The following SLC36A1 variants were observed in gnomAD, a reference collection of about 807,000 sequenced individuals.
SLC36A1 encodes the protein proton-coupled amino acid transporter 1.
A neutral mutation model predicts 47.5 loss-of-function variants in SLC36A1; 30 were observed. That is an observed-to-expected ratio of 0.63 (90% CI 0.47 to 0.86). SLC36A1 has a LOEUF of 0.86. Ranked by LOEUF, SLC36A1 falls within the 40% of genes least tolerant of loss-of-function variation. The probability of loss-of-function intolerance (pLI) is 0.00; values close to 1 mark genes in which losing one functional copy is unlikely to be tolerated. For missense variants in SLC36A1, 517 were observed against 606.0 expected, an observed-to-expected ratio of 0.85 and a Z score of 1.54; for synonymous variants, 255 against 249.7, an observed-to-expected ratio of 1.02 and a Z score of -0.20.
the SLC36A1 span, among the ~76,000 whole-genome samples, chr5:151,533,492 C>T: frequency 2.0e-5 from 3 of 151,700 alleles, no homozygotes; most frequent in African/African-American, 4.8e-5. Flanking sequence ...CTCCCTAGAA[C>T]CCCTACATCC....
chr5:151,495,910 C>T (rs1259971291), downstream of SLC36A1, among the ~76,000 whole-genome samples: 1 of 152,106 alleles, frequency 6.6e-6, no homozygotes, highest in Non-Finnish European at 1.5e-5. Context: ...TTTAACCCTT[C>T]AGTCACTGAA....
chr5:151,478,714 A>G (rs1369279290), intron 9 of SLC36A1, among the ~76,000 whole-genome samples: 2 of 152,050 alleles, frequency 1.3e-5, no homozygotes, highest in Non-Finnish European at 1.5e-5. Flanking sequence ...CAATTTTACA[A>G]TTTCCCATTT....
intron 5 of SLC36A1, 88 bp from the exon 6 acceptor site, chr5:151,467,111 A>C: frequency 1.9e-6 from 2 of 1,057,692 alleles, no homozygotes; most frequent in Non-Finnish European, 2.9e-6. Context: ...AAATCTATTA[A>C]AAAACAAAAA....
chr5:151,449,482 TC>T (rs1753285191), intron 1 of SLC36A1, among the ~76,000 whole-genome samples: 2 of 152,200 alleles, frequency 1.3e-5, no homozygotes, highest in African/African-American at 4.8e-5. Flanking sequence ...TCTGATTGTA[TC>T]GTTTATATTC....
the SLC36A1 span, chr5:151,387,375 C>T: frequency 6.6e-6 from 1 of 152,164 alleles, no homozygotes; most frequent in East Asian, 1.9e-4. Context: ...TCCAATAACC[C>T]CCTAATTGCT....
At chr5:151,466,460 A>G (rs1415438377) in intron 5 of SLC36A1, among the ~76,000 whole-genome samples, 2 of 152,224 alleles carry the variant, frequency 1.3e-5, no homozygotes, top group East Asian at 1.9e-4. Flanking sequence ...CTATCAGCAC[A>G]TAGAGATTTA....
chr5:151,495,907 C>A (rs165330), downstream of SLC36A1, among the ~76,000 whole-genome samples: 47,946 of 151,918 alleles, frequency 0.32, 10,196 homozygotes, highest in African/African-American at 0.61. Context: ...ATGTTTAACC[C>A]TTCAGTCACT....
the SLC36A1 span, among the ~76,000 whole-genome samples, chr5:151,518,967 G>C: frequency 5.3e-5 from 8 of 152,316 alleles, no homozygotes; most frequent in African/African-American, 1.9e-4. Context: ...ACCTAGCAAA[G>C]AGGAATTGTT....
chr5:151,534,784 A>C, the SLC36A1 span: 1 of 638,304 alleles, frequency 1.6e-6, no homozygotes, highest in Middle Eastern at 4.0e-4. Flanking sequence ...TCAGGAAAGC[A>C]GCTAAGCCTG....
the SLC36A1 span, chr5:151,525,858 G>C: frequency 6.2e-7 from 1 of 1,614,110 alleles, no homozygotes; most frequent in Non-Finnish European, 8.5e-7. Flanking sequence ...GGAAGGCAGA[G>C]CCGTTGTTCC....
intron 7 of SLC36A1, among the ~76,000 whole-genome samples, chr5:151,470,544 G>A (rs1361365397): frequency 3.9e-5 from 6 of 152,178 alleles, no homozygotes; most frequent in Non-Finnish European, 7.3e-5. Context: ...AAATAGTGCC[G>A]TCTGCCTGGA....
chr5:151,381,607 C>T, the SLC36A1 span, among the ~76,000 whole-genome samples: 1 of 152,200 alleles, frequency 6.6e-6, no homozygotes, highest in African/African-American at 2.4e-5. Flanking sequence ...TAAACTGGTC[C>T]TAAGATCAGT....
rs1156305401 is a variant in SLC36A1, at chr5:151,474,159, C to CAAAAAAAAAAAAAAA, written c.822+394_822+408dup. Among the ~76,000 whole-genome samples, 30 of 59,948 alleles carry CAAAAAAAAAAAAAAA rather than the reference C, an allele frequency of 5.0e-4. 1 individual carries two copies. Among genetic ancestry groups the CAAAAAAAAAAAAAAA allele is most frequent in the African/African-American group, 2.2e-3 (26 of 11,990 alleles). 39.3% of individuals were successfully genotyped at this position (59,948 alleles called of 152,430 possible). A position where few individuals can be genotyped will look rare whatever the true frequency, so the allele number is the denominator to read the frequency against. On this transcript the variant is annotated intron_variant, in intron 8 of 10. Coordinates refer to ENST00000243389, the MANE Select transcript of SLC36A1 (RefSeq NM_078483.4). ...TGGGTGACAGAGCGAGACTCTGTCT[C>CAAAAAAAAAAAAAAA]AAAAAAAAAAAAAAAAAAAAGAAAT...
At chr5:151,507,606 T>G in the SLC36A1 span, 1 of 1,557,684 alleles carries the variant, frequency 6.4e-7, no homozygotes, top group Non-Finnish European at 8.6e-7. Context: ...CGCCTCCATT[T>G]CACACCTGCG....
At chr5:151,549,452 A>G in the SLC36A1 span, 6 of 1,614,192 alleles carry the variant, frequency 3.7e-6, no homozygotes, top group East Asian at 1.1e-4. Context: ...CATCCTCCAC[A>G]TGAATGGTCA....
chr5:151,506,373 T>A, the SLC36A1 span, among the ~76,000 whole-genome samples: 1 of 152,330 alleles, frequency 6.6e-6, no homozygotes, highest in African/African-American at 2.4e-5. Context: ...GATGTCTCCA[T>A]GCAACCCACC....
At chr5:151,502,178 G>T in the SLC36A1 span, among the ~76,000 whole-genome samples, 1 of 147,686 alleles carries the variant, frequency 6.8e-6, no homozygotes, top group Non-Finnish European at 1.5e-5. Flanking sequence ...TGGGTGTGGT[G>T]GTGGGCACCT....
the SLC36A1 span, among the ~76,000 whole-genome samples, chr5:151,518,419 A>G: frequency 6.6e-6 from 1 of 151,582 alleles, no homozygotes; most frequent in Non-Finnish European, 1.5e-5. Context: ...GTAATGAATC[A>G]AGTGTGTGAA....
At chr5:151,433,773 A>G (rs1759607604), upstream of SLC36A1, among the ~76,000 whole-genome samples, 1 of 152,082 alleles carries the variant, frequency 6.6e-6, no homozygotes, top group South Asian at 2.1e-4. Flanking sequence ...CTTTAATATC[A>G]TGGCCTTATG....
Sources: gnomAD v4.1 joint callset for allele counts (sites outside exome capture counted in the v4.1 genomes callset) on GRCh38, gnomAD v4.1.1 for gene constraint, MANE v1.5 for transcripts, NCBI Gene and HGNC (gene_info 2026-07-23, HGNC 2026-07-21) for gene names.